The following MEIG1 variants were observed in gnomAD, a reference collection of about 807,000 sequenced individuals.
The protein encoded by MEIG1 is meiosis expressed gene 1 protein homolog.
A neutral mutation model predicts 11.3 loss-of-function variants in MEIG1; 12 were observed. That is an observed-to-expected ratio of 1.07 (90% confidence interval 0.68 to 1.73). The LOEUF is 1.73. Among genes scored for constraint, MEIG1 ranks in the 40% most tolerant of loss-of-function variants. The probability of loss-of-function intolerance (pLI) is 0.00; values close to 1 mark genes in which losing one functional copy is unlikely to be tolerated. For synonymous variants in MEIG1, 41 were observed against 33.2 expected (o/e 1.24, Z -0.81); for missense variants, 119 against 104.9 (o/e 1.13, Z -0.59).
chr10:14,977,733 G>A (rs919447163), downstream of MEIG1, among the ~76,000 whole-genome samples: 4 of 151,516 alleles, frequency 2.6e-5, no homozygotes, highest in Admixed American at 6.6e-5. Context: ...ACCCACAGAG[G>A]GTACACCCTG....
At chr10:14,974,434 G>C (rs1462892613), downstream of MEIG1, among the ~76,000 whole-genome samples, 1 of 152,008 alleles carries the variant, frequency 6.6e-6, no homozygotes, top group African/African-American at 2.4e-5. Context: ...TGAGAAGGTC[G>C]GCAGAGGTGA....
chr10:14,980,664 G>A (rs1323997293), intron 1 of MEIG1, among the ~76,000 whole-genome samples: 2 of 152,138 alleles, frequency 1.3e-5, no homozygotes, highest in Non-Finnish European at 2.9e-5. Context: ...CTGGAGCAAA[G>A]CGCAGCCTAT....
chr10:14,976,892 C>T (rs1028623159), downstream of MEIG1, among the ~76,000 whole-genome samples: 9 of 152,016 alleles, frequency 5.9e-5, no homozygotes, highest in East Asian at 1.9e-4. Flanking sequence ...TTTCACAATG[C>T]GTGTACACAC....
At chr10:14,964,059 C>G (rs1843047952) in intron 1 of MEIG1, among the ~76,000 whole-genome samples, 1 of 149,514 alleles carries the variant, frequency 6.7e-6, no homozygotes, top group Non-Finnish European at 1.5e-5. Flanking sequence ...GATCGCGCCT[C>G]TGCACTCCAG....
intron 1 of MEIG1, among the ~76,000 whole-genome samples, chr10:14,963,959 A>C (rs1205556414): frequency 1.3e-5 from 2 of 152,108 alleles, no homozygotes. Context: ...TTAGCTGGGC[A>C]TGGTAGTGGG....
intron 2 of MEIG1, chr10:14,987,717 A>C (rs1396031171): frequency 3.9e-6 from 1 of 255,332 alleles, no homozygotes; most frequent in Non-Finnish European, 7.6e-6. Context: ...CAAATCCGTG[A>C]TCTCCGTAAA....
At chr10:14,959,846 G>T (rs749053535) in intron 1 of MEIG1, among the ~76,000 whole-genome samples, 1 of 152,228 alleles carries the variant, frequency 6.6e-6, no homozygotes, top group Non-Finnish European at 1.5e-5. Flanking sequence ...GCTCCGATTT[G>T]GGCCCTAGAT....
At chr10:14,979,530 T>C (rs1189333138) in intron 1 of MEIG1, among the ~76,000 whole-genome samples, 1 of 152,042 alleles carries the variant, frequency 6.6e-6, no homozygotes, top group African/African-American at 2.4e-5. Context: ...CACAGGGGTG[T>C]ACACCCTGTG....
At chr10:14,958,354 G>C (rs577266899), upstream of MEIG1, among the ~76,000 whole-genome samples, 41 of 152,260 alleles carry the variant, frequency 2.7e-4, no homozygotes, top group African/African-American at 8.9e-4. Context: ...AGTATGACTC[G>C]TTTATTTAGA....
intron 1 of MEIG1, among the ~76,000 whole-genome samples, chr10:14,981,698 A>C (rs1033585677): frequency 1.3e-5 from 2 of 152,064 alleles, no homozygotes; most frequent in Admixed American, 6.6e-5. Context: ...CCTTCCTCCT[A>C]GTCCAGGGCC....
At chr10:14,982,636 C>A (rs577605546) in intron 1 of MEIG1, among the ~76,000 whole-genome samples, 1 of 152,080 alleles carries the variant, frequency 6.6e-6, no homozygotes, top group African/African-American at 2.4e-5. Flanking sequence ...CCCAGTATAC[C>A]GCTGCTCTCT....
At chr10:14,978,720 A>C (rs1843235083) in intron 1 of MEIG1, among the ~76,000 whole-genome samples, 1 of 151,998 alleles carries the variant, frequency 6.6e-6, no homozygotes, top group African/African-American at 2.4e-5. Flanking sequence ...ATATCCTAAA[A>C]AGACATGACT....
intron 1 of MEIG1, among the ~76,000 whole-genome samples, chr10:14,982,089 G>A (rs1340539315): frequency 1.3e-5 from 2 of 152,188 alleles, no homozygotes; most frequent in Non-Finnish European, 1.5e-5. Context: ...TGAATCATGC[G>A]CTGATTTTCA....
chr10:14,967,699 T>C (rs545034531), intron 2 of MEIG1, among the ~76,000 whole-genome samples: 2 of 152,268 alleles, frequency 1.3e-5, no homozygotes, highest in African/African-American at 4.8e-5. Flanking sequence ...CAAAAATTTG[T>C]GTATAACTTT....
chr10:14,978,791 A>C (rs1843236571), intron 1 of MEIG1, among the ~76,000 whole-genome samples: 1 of 151,950 alleles, frequency 6.6e-6, no homozygotes, highest in Non-Finnish European at 1.5e-5. Context: ...GCGAGATGTG[A>C]CTTTTAATGT....
rs1843143971 is a variant in MEIG1 at position 14,971,150 on chromosome 10, G to C, written c.139-1363G>C. On this transcript the variant is annotated intron_variant, in intron 2 of 2. Transcript: ENST00000407572. ...ACCTGCAATCCCAACACTTTGGAAA[G>C]CCAAGACAGGAGGATCATTTGAGAC... Among the ~76,000 whole-genome samples the C allele has an allele frequency of 1.3e-5, 2 of 151,292 alleles. 1 individual carries two copies.
At chr10:14,984,561 G>A (rs1443894721) in intron 1 of MEIG1, among the ~76,000 whole-genome samples, 1 of 151,940 alleles carries the variant, frequency 6.6e-6, no homozygotes, top group Non-Finnish European at 1.5e-5. Context: ...ATTGTCACAC[G>A]GGGAAGTTTC....
upstream of MEIG1, among the ~76,000 whole-genome samples, chr10:14,956,863 A>G (rs958701033): frequency 6.6e-6 from 1 of 152,174 alleles, no homozygotes; most frequent in Admixed American, 6.5e-5. Context: ...CAGGAGTTAA[A>G]GACCAACATG....
chr10:14,981,042 G>T (rs1365765530), intron 1 of MEIG1, among the ~76,000 whole-genome samples: 1 of 152,132 alleles, frequency 6.6e-6, no homozygotes, highest in Non-Finnish European at 1.5e-5. Flanking sequence ...GTTCCATGGC[G>T]AATGACAAGG....
Sources: allele counts gnomAD v4.1 joint callset (sites outside exome capture counted in the v4.1 genomes callset), GRCh38; gene constraint gnomAD v4.1.1; transcripts MANE v1.5; gene names NCBI Gene and HGNC (gene_info 2026-07-23, HGNC 2026-07-21).